OVCH1: variants seen among roughly 807,000 people sequenced by gnomAD.
The protein encoded by OVCH1 is ovochymase-1.
In OVCH1, 139 loss-of-function variants were observed where a neutral mutation model predicts 138.4. The observed-to-expected ratio is 1.00, with a 90% CI of 0.87 to 1.16. The LOEUF is 1.16. Ranked by LOEUF, OVCH1 falls within the 50% of genes most tolerant of loss-of-function variation. The pLI is 0.00. For missense variants in OVCH1, 1,367 were observed against 1,357.9 expected (o/e 1.01, Z -0.11); for synonymous variants, 453 against 467.8 (o/e 0.97, Z 0.41).
At chr12:29,446,175 A>T (rs1257308499) in intron 22 of OVCH1, among the ~76,000 whole-genome samples, 3 of 152,000 alleles carry the variant, frequency 2.0e-5, no homozygotes, top group Non-Finnish European at 4.4e-5. Flanking sequence ...AGGGCAGAAA[A>T]TTTTATTTTT....
At chr12:29,457,207 T>C (rs1941977757) in intron 19 of OVCH1, among the ~76,000 whole-genome samples, 1 of 152,120 alleles carries the variant, frequency 6.6e-6, no homozygotes, top group South Asian at 2.1e-4. Context: ...TGGTCTGATG[T>C]ATCCAGTCAA....
chr12:29,465,210 A>T, exon 17 of OVCH1: 1 of 1,599,700 alleles, frequency 6.3e-7, no homozygotes, highest in Non-Finnish European at 8.5e-7. Context: ...AGGAGAGTGG[A>T]TTATTCTTCC....
At chr12:29,490,894 A>G (rs1020820803) in intron 5 of OVCH1, among the ~76,000 whole-genome samples, 4 of 152,172 alleles carry the variant, frequency 2.6e-5, no homozygotes, top group Non-Finnish European at 4.4e-5. Flanking sequence ...GCCATACCAA[A>G]TTGGCAGCAG....
intron 3 of OVCH1, among the ~76,000 whole-genome samples, chr12:29,413,651 CTG>C (rs557253016): frequency 2.2e-5 from 3 of 138,086 alleles, no homozygotes; most frequent in African/African-American, 7.7e-5. Flanking sequence ...ATGTATGTGT[CTG>C]TGTGTATTAC....
At chr12:29,418,334 A>T (rs765306472) in intron 3 of OVCH1, among the ~76,000 whole-genome samples, 1 of 152,238 alleles carries the variant, frequency 6.6e-6, no homozygotes, top group Admixed American at 6.5e-5. Flanking sequence ...TCATGCTTCA[A>T]ATTCCTAAGT....
intron 8 of OVCH1, among the ~76,000 whole-genome samples, chr12:29,485,805 T>TGG (rs1943080281): frequency 6.8e-6 from 1 of 146,304 alleles, no homozygotes; most frequent in Non-Finnish European, 1.5e-5. Context: ...TAGCTGGGTG[T>TGG]GGTGGGGGGT....
intron 7 of OVCH1, chr12:29,487,466 T>C: frequency 2.4e-6 from 1 of 425,368 alleles, no homozygotes; most frequent in Non-Finnish European, 4.1e-6. Flanking sequence ...ATCTCGTAAA[T>C]GCAAAAAGGC....
chr12:29,430,869 G>C (rs757809991), intron 27 of OVCH1: 1 of 517,336 alleles, frequency 1.9e-6, no homozygotes, highest in South Asian at 1.4e-5. Flanking sequence ...AGTTCAGTTG[G>C]AGAGTTCCTT....
Position 29,484,368 on chromosome 12 carries a change from G to A in OVCH1, c.995+1878C>T, listed in dbSNP as rs571600739. 1.1e-4 allele frequency among the ~76,000 whole-genome samples: 17 copies of A among 152,236 alleles called. No individual in the cohort carries two copies. In the East Asian group the frequency reaches 1.9e-3, roughly 17 times the overall value. On this transcript the variant is annotated intron_variant, in intron 8 of 27. Transcript: ENST00000318184. ...TAGTATTAAGTATTTGAACACATCC[G>A]TTCAAGTAAACTTTAGTTTAATAAC...
At chr12:29,476,643 A>G (rs1390784311) in intron 12 of OVCH1, among the ~76,000 whole-genome samples, 1 of 152,092 alleles carries the variant, frequency 6.6e-6, no homozygotes, top group East Asian at 1.9e-4. Context: ...CTGAAATATC[A>G]TACAATATTT....
chr12:29,485,926 CAG>C (rs1376715350), intron 8 of OVCH1, among the ~76,000 whole-genome samples: 1 of 150,942 alleles, frequency 6.6e-6, no homozygotes, highest in Non-Finnish European at 1.5e-5. Flanking sequence ...GCCTGGATGA[CAG>C]AGTGAGACTC....
intron 26 of OVCH1, among the ~76,000 whole-genome samples, chr12:29,434,871 C>T (rs78858924): frequency 0.07 from 10,702 of 152,176 alleles, 427 homozygotes; most frequent in African/African-American, 0.11. Flanking sequence ...GTTCCCTATT[C>T]CTGAGTCTAA....
chr12:29,443,519 A>G lies in OVCH1; in HGVS notation c.3018-19T>C. 6.4e-7 allele frequency: 1 copy of G among 1,566,152 alleles called. No individual in the cohort carries two copies. The highest frequency in any genetic ancestry group is 1.2e-5 in the South Asian group (1 of 84,570). ...TTGGCAACTATGGCATAGATGAAACAAAGTCAGAAATTATTTCTAAACAGA... is the reference window on the plus strand; with the variant it reads ...TTGGCAACTATGGCATAGATGAAACGAAGTCAGAAATTATTTCTAAACAGA... On this transcript the variant is annotated intron_variant, in intron 24 of 27. Coordinates refer to ENST00000318184, the Ensembl canonical transcript of OVCH1.
At position 29,477,537 on chromosome 12, in the gene OVCH1, GTTTGT is replaced by G; in HGVS notation, c.1106_1110del (p.Asn369ThrfsTer17). The stretch of plus-strand genomic sequence containing the variant: ...ACTAAAAAGTGGTGGAAACTTACAC[GTTTGT>G]TTTGTTTTCCATCGTCTTCCATGAG... On this transcript the variant is annotated frameshift_variant, in exon 10 of 28. Coordinates refer to ENST00000318184, the Ensembl canonical transcript of OVCH1. LOFTEE classifies it high-confidence loss of function. 14 of 1,613,756 alleles carry G rather than the reference GTTTGT, an allele frequency of 8.7e-6. No homozygotes were observed. Among genetic ancestry groups the G allele is most frequent in the Non-Finnish European group, 1.1e-5 (13 of 1,179,800 alleles).
intron 19 of OVCH1, among the ~76,000 whole-genome samples, chr12:29,461,542 AT>A (rs1441662260): frequency 6.6e-6 from 1 of 152,148 alleles, no homozygotes; most frequent in Non-Finnish European, 1.5e-5. Context: ...CCAAAGCCTT[AT>A]TTGTACCTGA....
chr12:29,464,412 A>T (rs903261871), intron 18 of OVCH1, 95 bp downstream of exon 18: 1 of 1,277,858 alleles, frequency 7.8e-7, no homozygotes, highest in Non-Finnish European at 1.1e-6. Flanking sequence ...TAGAAAGAAG[A>T]GGGGCTGAAG....
At chr12:29,471,730 C>A (rs1942513842) in intron 16 of OVCH1, 72 bp downstream of exon 16, 3 of 1,425,098 alleles carry the variant, frequency 2.1e-6, no homozygotes, top group South Asian at 1.4e-5. Flanking sequence ...TCTTAGTAGT[C>A]AGCCTTGTGT....
At chr12:29,461,667 T>G (rs1320480674) in intron 19 of OVCH1, 187 bp downstream of exon 19, 10 of 767,922 alleles carry the variant, frequency 1.3e-5, no homozygotes, top group Non-Finnish European at 2.0e-5. Context: ...CCGGCCACTC[T>G]CTGACATCTC....
intron 22 of OVCH1, among the ~76,000 whole-genome samples, chr12:29,447,055 A>G (rs1941637084): frequency 1.3e-5 from 2 of 152,194 alleles, no homozygotes; most frequent in Non-Finnish European, 2.9e-5. Flanking sequence ...AACATTAAGA[A>G]TAAGCATTAA....
Sources: allele counts gnomAD v4.1 joint callset (sites outside exome capture counted in the v4.1 genomes callset), GRCh38; gene constraint gnomAD v4.1.1; transcripts MANE v1.5; gene names NCBI Gene and HGNC (gene_info 2026-07-23, HGNC 2026-07-21).